The following MLLT3 variants were observed in gnomAD, a reference collection of about 807,000 sequenced individuals.
MLLT3 encodes the protein MLLT3 super elongation complex subunit, also known as protein AF-9.
A neutral mutation model predicts 53.2 loss-of-function variants in MLLT3; 4 were observed. That is an observed-to-expected ratio of 0.08 (90% CI 0.04 to 0.17). MLLT3 has a LOEUF of 0.17. Ranked by LOEUF, MLLT3 falls within the 10% of genes least tolerant of loss-of-function variation. The probability of loss-of-function intolerance (pLI) is 1.00; values close to 1 mark genes in which losing one functional copy is unlikely to be tolerated. For missense variants in MLLT3, 569 were observed against 684.0 expected, an observed-to-expected ratio of 0.83 and a Z score of 1.87; for synonymous variants, 283 against 230.6, an observed-to-expected ratio of 1.23 and a Z score of -2.06.
In MLLT3 at chr9:20,363,474, A is replaced by G. The variant is rs1587156606; in HGVS notation, c.1331+2T>C. 6.2e-7 allele frequency: 1 copy of G among 1,613,488 alleles called. No individual in the cohort carries two copies. Among genetic ancestry groups the G allele is most frequent in the African/African-American group, 1.3e-5 (1 of 74,998 alleles). Reference sequence around the variant, plus strand: ...CAACCCCTTTCCTTCCAAGATACTCACCTGCGACTTCGGCTGCCTCCTCTA... The same window carrying G: ...CAACCCCTTTCCTTCCAAGATACTCGCCTGCGACTTCGGCTGCCTCCTCTA... On this transcript the variant is annotated splice_donor_variant, in intron 7 of 10. Transcript: ENST00000380338. LOFTEE classifies it high-confidence loss of function.
chr9:20,496,927 G>C (rs925586779), intron 2 of MLLT3, among the ~76,000 whole-genome samples: 1 of 152,134 alleles, frequency 6.6e-6, no homozygotes, highest in Non-Finnish European at 1.5e-5. Flanking sequence ...AGACTAAGTG[G>C]GGACACCACT....
At chr9:20,603,214 T>C (rs1182743984) in intron 2 of MLLT3, among the ~76,000 whole-genome samples, 1 of 152,040 alleles carries the variant, frequency 6.6e-6, no homozygotes, top group East Asian at 1.9e-4. Context: ...CAAAGACATA[T>C]AGCCACATTG....
intron 2 of MLLT3, among the ~76,000 whole-genome samples, chr9:20,618,759 T>C (rs370953679): frequency 4.6e-5 from 7 of 152,020 alleles, no homozygotes; most frequent in African/African-American, 1.7e-4. Context: ...AGACAGAAAA[T>C]CATTAAGTAT....
chr9:20,579,248 G>T (rs1202705892), intron 2 of MLLT3, among the ~76,000 whole-genome samples: 1 of 152,010 alleles, frequency 6.6e-6, no homozygotes, highest in Non-Finnish European at 1.5e-5. Context: ...GCGTATGCTT[G>T]TGGTCCCAGC....
At chr9:20,361,127 T>C (rs764490440) in intron 7 of MLLT3, among the ~76,000 whole-genome samples, 1 of 152,230 alleles carries the variant, frequency 6.6e-6, no homozygotes, top group Non-Finnish European at 1.5e-5. Flanking sequence ...ATGGTGGCTC[T>C]GGAATTCAAA....
intron 5 of MLLT3, among the ~76,000 whole-genome samples, chr9:20,400,984 A>C (rs1822440348): frequency 6.6e-6 from 1 of 152,180 alleles, no homozygotes; most frequent in Admixed American, 6.6e-5. Flanking sequence ...AGAACAACTC[A>C]AAATCTCCAA....
At chr9:20,578,430 G>A (rs1422438562) in intron 2 of MLLT3, among the ~76,000 whole-genome samples, 16 of 151,988 alleles carry the variant, frequency 1.1e-4, no homozygotes. Flanking sequence ...GTAATTCCAA[G>A]ACTTTGGGAG....
In MLLT3 at chr9:20,480,999, C is replaced by A. The variant is rs568805381; in HGVS notation, c.194-24213G>T. Among the ~76,000 whole-genome samples the A allele has an allele frequency of 2.0e-3, 306 of 152,088 alleles. 3 individuals are homozygous for A. The highest frequency in any genetic ancestry group is 0.01 in the Middle Eastern group (3 of 294). On this transcript the variant is annotated intron_variant, in intron 2 of 10. Transcript: ENST00000380338. ...AGTAATGGCGAAGCACGCACACACA[C>A]AAAAAAGAGTCAGGATCAGTTTCAT...
chr9:20,594,104 C>T (rs960962452), intron 2 of MLLT3, among the ~76,000 whole-genome samples: 2 of 151,970 alleles, frequency 1.3e-5, no homozygotes, highest in Non-Finnish European at 2.9e-5. Context: ...CCACACCTGG[C>T]TAATTTTTTG....
intron 4 of MLLT3, among the ~76,000 whole-genome samples, chr9:20,430,762 ATTTG>A (rs1398748674): frequency 2.6e-5 from 4 of 152,130 alleles, no homozygotes; most frequent in East Asian, 1.9e-4. Context: ...CACATTAAGA[ATTTG>A]TTTATCAAAA....
At chr9:20,393,106 G>A (rs1382162114) in intron 5 of MLLT3, among the ~76,000 whole-genome samples, 2 of 152,094 alleles carry the variant, frequency 1.3e-5, no homozygotes, top group Non-Finnish European at 2.9e-5. Context: ...AGTGAGCTGA[G>A]ATCATGCCAT....
intron 4 of MLLT3, among the ~76,000 whole-genome samples, chr9:20,434,083 T>A (rs1032183941): frequency 6.6e-6 from 1 of 151,958 alleles, no homozygotes; most frequent in Non-Finnish European, 1.5e-5. Flanking sequence ...ACGGTGCCAC[T>A]GCACTCCAGC....
intron 2 of MLLT3, among the ~76,000 whole-genome samples, chr9:20,544,336 TC>T (rs1818727449): frequency 6.6e-6 from 1 of 152,016 alleles, no homozygotes; most frequent in South Asian, 2.1e-4. Context: ...CTCACAAACT[TC>T]CATGCAGGAA....
intron 5 of MLLT3, among the ~76,000 whole-genome samples, chr9:20,378,467 T>C (rs1821829492): frequency 6.6e-6 from 1 of 152,072 alleles, no homozygotes; most frequent in Admixed American, 6.5e-5. Context: ...TTACTTTTTA[T>C]ATTTATACTG....
intron 2 of MLLT3, among the ~76,000 whole-genome samples, chr9:20,493,401 TC>T (rs1825002153): frequency 6.6e-6 from 1 of 152,018 alleles, no homozygotes; most frequent in African/African-American, 2.4e-5. Flanking sequence ...TGAAATAACA[TC>T]CTTATCTTTT....
At chr9:20,509,806 T>G (rs2118958092) in intron 2 of MLLT3, among the ~76,000 whole-genome samples, 1 of 152,310 alleles carries the variant, frequency 6.6e-6, no homozygotes, top group African/African-American at 2.4e-5. Flanking sequence ...GCCAAATGAT[T>G]AACTAAGTTT....
rs1823174134 is a variant in MLLT3, at chr9:20,427,807, T to G, written c.421-13382A>C. ...TTAGGAATTTTTTTCAGCCAGTTTT[T>G]AAACAGTAAATGCACTGTATAAATT... On this transcript the variant is annotated intron_variant, in intron 4 of 10. Coordinates refer to ENST00000380338, the MANE Select transcript of MLLT3 (RefSeq NM_004529.4). 2.0e-5 allele frequency among the ~76,000 whole-genome samples: 3 copies of G among 152,062 alleles called. No homozygotes were observed. In the South Asian group the frequency reaches 6.2e-4, roughly 32 times the overall value.
intron 5 of MLLT3, among the ~76,000 whole-genome samples, chr9:20,394,194 A>G (rs1194428446): frequency 2.0e-5 from 3 of 152,106 alleles, no homozygotes; most frequent in Non-Finnish European, 4.4e-5. Context: ...CAGACACCCA[A>G]AGAAAAAGGT....
chr9:20,354,590 G>A (rs1821117193), intron 9 of MLLT3, among the ~76,000 whole-genome samples: 1 of 152,172 alleles, frequency 6.6e-6, no homozygotes, highest in Admixed American at 6.5e-5. Flanking sequence ...AGGCATCATG[G>A]CAAATGACAG....
Sources: gnomAD v4.1 joint callset for allele counts (sites outside exome capture counted in the v4.1 genomes callset) on GRCh38, gnomAD v4.1.1 for gene constraint, MANE v1.5 for transcripts, NCBI Gene and HGNC (gene_info 2026-07-23, HGNC 2026-07-21) for gene names.